The following IRAK1BP1 variants were observed in gnomAD, a reference collection of about 807,000 sequenced individuals.
The protein encoded by IRAK1BP1 is interleukin-1 receptor-associated kinase 1-binding protein 1.
Under a neutral mutation model 28.0 loss-of-function variants are expected in IRAK1BP1, and 24 were observed. That is an observed-to-expected ratio of 0.86 (90% CI 0.62 to 1.20). The LOEUF is 1.20. Ranked by LOEUF, IRAK1BP1 falls within the 50% of genes most tolerant of loss-of-function variation. The pLI is 0.00. For missense variants in IRAK1BP1, 336 were observed against 316.7 expected (o/e 1.06, Z -0.46); for synonymous variants, 131 against 116.3 (o/e 1.13, Z -0.81).
the IRAK1BP1 span, among the ~76,000 whole-genome samples, chr6:78,964,769 G>T: frequency 6.6e-6 from 1 of 152,146 alleles, no homozygotes; most frequent in African/African-American, 2.4e-5. Flanking sequence ...GGGATTACAG[G>T]TGTGAGCCAC....
chr6:78,931,049 G>A (rs1369430530), intron 4 of IRAK1BP1, among the ~76,000 whole-genome samples: 2 of 152,168 alleles, frequency 1.3e-5, no homozygotes, highest in Non-Finnish European at 1.5e-5. Flanking sequence ...ATCTCTGAAA[G>A]CCACTGATTC....
At chr6:78,946,025 C>G in exon 5 of IRAK1BP1, 3 of 1,609,662 alleles carry the variant, frequency 1.9e-6, no homozygotes, top group Non-Finnish European at 2.6e-6. Context: ...ATTGCAGATG[C>G]ATTAGCTTTT....
chr6:78,906,708 A>G (rs1772270054), downstream of IRAK1BP1, among the ~76,000 whole-genome samples: 1 of 152,160 alleles, frequency 6.6e-6, no homozygotes, highest in South Asian at 2.1e-4. Context: ...CTGATCTTGG[A>G]TTAGGGTTTT....
At chr6:78,955,896 C>G in the IRAK1BP1 span, 1 of 294,076 alleles carries the variant, frequency 3.4e-6, no homozygotes, top group African/African-American at 2.1e-5. Context: ...TATATCATTA[C>G]ACCAAACCCA....
At chr6:78,969,404 A>T in the IRAK1BP1 span, among the ~76,000 whole-genome samples, 361 of 152,316 alleles carry the variant, frequency 2.4e-3, 1 homozygote, top group African/African-American at 8.3e-3. Flanking sequence ...AAACTTTTAC[A>T]GATTTTAGTT....
the IRAK1BP1 span, among the ~76,000 whole-genome samples, chr6:78,959,917 T>C: frequency 6.6e-6 from 1 of 152,134 alleles, no homozygotes; most frequent in African/African-American, 2.4e-5. Flanking sequence ...CAGCCAAGCC[T>C]ACCTCAAATG....
chr6:78,911,758 T>A (rs911733431), intron 4 of IRAK1BP1, among the ~76,000 whole-genome samples: 1 of 152,210 alleles, frequency 6.6e-6, no homozygotes, highest in Non-Finnish European at 1.5e-5. Flanking sequence ...AAGTAGATGT[T>A]ATGAATACTG....
the IRAK1BP1 span, chr6:78,955,561 T>C: frequency 1.5e-6 from 1 of 650,372 alleles, no homozygotes; most frequent in South Asian, 2.0e-5. Flanking sequence ...AATATGTAAA[T>C]TTTTTTATAT....
intron 4 of IRAK1BP1, among the ~76,000 whole-genome samples, chr6:78,928,245 A>G (rs1022465263): frequency 1.3e-5 from 2 of 152,014 alleles, no homozygotes; most frequent in Admixed American, 1.3e-4. Flanking sequence ...TCTTTGGTCA[A>G]TTCCTAGGTA....
At chr6:78,966,059 G>A in the IRAK1BP1 span, 1 of 1,589,188 alleles carries the variant, frequency 6.3e-7, no homozygotes, top group East Asian at 2.2e-5. Context: ...GCGGTCACCT[G>A]GCCAAGAACA....
the IRAK1BP1 span, chr6:78,955,729 T>C: frequency 1.7e-5 from 11 of 665,922 alleles, no homozygotes; most frequent in African/African-American, 1.9e-4. Context: ...ACCATGATAA[T>C]TTTTTTCCTT....
intron 4 of IRAK1BP1, among the ~76,000 whole-genome samples, chr6:78,933,650 A>T (rs908028211): frequency 6.1e-5 from 9 of 146,576 alleles, no homozygotes; most frequent in African/African-American, 2.3e-4. Context: ...TCATGAACCA[A>T]CCTCTGCTAG....
At chr6:78,933,229 A>T (rs1459315289) in intron 4 of IRAK1BP1, among the ~76,000 whole-genome samples, 1 of 152,062 alleles carries the variant, frequency 6.6e-6, no homozygotes, top group Non-Finnish European at 1.5e-5. Context: ...ATTTGTATAG[A>T]TTTTCATCAA....
chr6:78,933,892 C>CTT (rs1342866718), intron 4 of IRAK1BP1, among the ~76,000 whole-genome samples: 1 of 152,222 alleles, frequency 6.6e-6, no homozygotes, highest in East Asian at 1.9e-4. Flanking sequence ...CCTTCAATGA[C>CTT]TTTTCCTTTG....
At chr6:78,955,972 G>A in the IRAK1BP1 span, 1 of 208,458 alleles carries the variant, frequency 4.8e-6, no homozygotes, top group Non-Finnish European at 9.5e-6. Flanking sequence ...TCTTCAAACA[G>A]CTAATACATT....
At chr6:78,965,868 T>C in the IRAK1BP1 span, 3 of 1,202,526 alleles carry the variant, frequency 2.5e-6, no homozygotes, top group Non-Finnish European at 3.7e-6. Context: ...AAAAGAAGTC[T>C]CTTTATCTCT....
At chr6:78,891,576 C>G (rs936922867) in intron 2 of IRAK1BP1, among the ~76,000 whole-genome samples, 1 of 152,120 alleles carries the variant, frequency 6.6e-6, no homozygotes, top group Non-Finnish European at 1.5e-5. Flanking sequence ...ATTCTCCTGC[C>G]TCAGCCTCCT....
At chr6:78,875,476 A>T (rs1770964009) in intron 1 of IRAK1BP1, among the ~76,000 whole-genome samples, 1 of 150,568 alleles carries the variant, frequency 6.6e-6, no homozygotes, top group Admixed American at 6.7e-5. Context: ...ACATGGAATC[A>T]ACCCAGGTGC....
Position 78,940,970 on chromosome 6 carries a change from A to G in IRAK1BP1, c.*68-4438A>G, listed in dbSNP as rs1416685651. On this transcript the variant is annotated intron_variant and NMD_transcript_variant, in intron 4 of 4. Transcript: ENST00000606868. ...TAACACTTTGACACTTGCAGGGACT[A>G]GGAGATCTGCATCTAATTTTTGTGT... 1.9e-6 allele frequency: 3 copies of G among 1,613,534 alleles called. No homozygotes were observed. The highest frequency in any genetic ancestry group is 1.7e-5 in the Admixed American group (1 of 60,002).
Sources: gnomAD v4.1 joint callset for allele counts (sites outside exome capture counted in the v4.1 genomes callset) on GRCh38, gnomAD v4.1.1 for gene constraint, MANE v1.5 for transcripts, NCBI Gene and HGNC (gene_info 2026-07-23, HGNC 2026-07-21) for gene names.